The following CAMKMT variants were observed in gnomAD, a reference collection of about 807,000 sequenced individuals.
CAMKMT encodes calmodulin-lysine N-methyltransferase.
A neutral mutation model predicts 48.0 loss-of-function variants in CAMKMT; 53 were observed. The ratio of observed to expected loss-of-function variants is 1.10; its 90% CI spans 0.89 to 1.39. The LOEUF (loss-of-function observed/expected upper bound fraction) is 1.39, where lower values mean the gene tolerates loss of function less well. CAMKMT is among the 40% of genes most tolerant of loss of function. The probability of loss-of-function intolerance (pLI) is 0.00; values close to 1 mark genes in which losing one functional copy is unlikely to be tolerated. For missense variants in CAMKMT, 428 were observed against 402.7 expected (o/e 1.06, Z -0.54); for synonymous variants, 165 against 152.3 (o/e 1.08, Z -0.61).
chr2:44,475,762 A>G lies in CAMKMT; in HGVS notation c.376+85457A>G, dbSNP rs963166137. On this transcript the variant is annotated intron_variant, in intron 3 of 10. Transcript: ENST00000378494. The stretch of plus-strand genomic sequence containing the variant: ...AAATTTTATTTAAAAAAGAAATCTT[A>G]TGCATGATCTCATTTCAGTGTTGAT... 2.1e-4 allele frequency among the ~76,000 whole-genome samples: 32 copies of G among 152,222 alleles called. 1 individual carries two copies. The highest frequency in any genetic ancestry group is 7.3e-5 in the Non-Finnish European group (5 of 68,034).
At chr2:44,686,466 C>G (rs563255427) in intron 3 of CAMKMT, among the ~76,000 whole-genome samples, 7 of 151,596 alleles carry the variant, frequency 4.6e-5, no homozygotes, top group African/African-American at 1.7e-4. Flanking sequence ...AGTAATGAAC[C>G]AATGTCAGTT....
At chr2:44,765,380 A>G (rs1025157307) in intron 9 of CAMKMT, among the ~76,000 whole-genome samples, 1 of 152,208 alleles carries the variant, frequency 6.6e-6, no homozygotes, top group African/African-American at 2.4e-5. Flanking sequence ...GGTGCTCAAG[A>G]AATGGCTGGC....
chr2:44,595,911 A>C (rs570873231), intron 3 of CAMKMT, among the ~76,000 whole-genome samples: 2 of 150,746 alleles, frequency 1.3e-5, no homozygotes, highest in Non-Finnish European at 2.9e-5. Flanking sequence ...GCATGTTCTC[A>C]CTCGTAAGTG....
At chr2:44,530,150 T>C (rs1218105622) in intron 3 of CAMKMT, among the ~76,000 whole-genome samples, 2 of 152,184 alleles carry the variant, frequency 1.3e-5, no homozygotes, top group Non-Finnish European at 1.5e-5. Flanking sequence ...AAGAGTCAGC[T>C]TAATGTGATT....
chr2:44,585,872 G>C (rs2103791585), intron 3 of CAMKMT, among the ~76,000 whole-genome samples: 2 of 152,278 alleles, frequency 1.3e-5, no homozygotes, highest in South Asian at 4.1e-4. Flanking sequence ...CATAATTTTA[G>C]AGTGTGTAAA....
At chr2:44,613,429 G>A (rs982737615) in intron 3 of CAMKMT, among the ~76,000 whole-genome samples, 3 of 152,274 alleles carry the variant, frequency 2.0e-5, no homozygotes, top group Middle Eastern at 3.4e-3. Flanking sequence ...AGGACTTCAG[G>A]ACCCTCATCT....
At chr2:44,371,328 AGGCT>A (rs1679162287) in intron 1 of CAMKMT, among the ~76,000 whole-genome samples, 1 of 152,122 alleles carries the variant, frequency 6.6e-6, no homozygotes. Context: ...CATGTTGCTC[AGGCT>A]GGTCTGGAAT....
intron 3 of CAMKMT, among the ~76,000 whole-genome samples, chr2:44,674,684 A>G (rs1289793479): frequency 2.0e-5 from 3 of 152,222 alleles, no homozygotes; most frequent in Non-Finnish European, 2.9e-5. Context: ...TGCAGGCCAC[A>G]TACAAAGTTA....
chr2:44,756,463 C>T (rs577289082), intron 9 of CAMKMT, among the ~76,000 whole-genome samples: 210 of 152,078 alleles, frequency 1.4e-3, no homozygotes, highest in African/African-American at 3.3e-3. Context: ...CAAAGATGGC[C>T]GGGCACAGTG....
At chr2:44,741,471 G>A (rs545506940) in intron 7 of CAMKMT, among the ~76,000 whole-genome samples, 1 of 152,334 alleles carries the variant, frequency 6.6e-6, no homozygotes, top group South Asian at 2.1e-4. Context: ...GATAGCTAGT[G>A]TTATCCCCAT....
chr2:44,699,187 A>G (rs1405999203), intron 3 of CAMKMT, among the ~76,000 whole-genome samples: 1 of 152,242 alleles, frequency 6.6e-6, no homozygotes, highest in Non-Finnish European at 1.5e-5. Flanking sequence ...AATGGCATCT[A>G]GAATAGTGAG....
At chr2:44,667,194 C>A (rs1439001877) in intron 3 of CAMKMT, among the ~76,000 whole-genome samples, 1 of 152,160 alleles carries the variant, frequency 6.6e-6, no homozygotes, top group African/African-American at 2.4e-5. Flanking sequence ...CCAACAGTTC[C>A]CTGAGGGCCT....
intron 3 of CAMKMT, among the ~76,000 whole-genome samples, chr2:44,540,505 CT>C (rs1667036725): frequency 6.6e-6 from 1 of 152,148 alleles, no homozygotes; most frequent in South Asian, 2.1e-4. Context: ...AATCCCAGCA[CT>C]TTGGGAGGCC....
intron 7 of CAMKMT, among the ~76,000 whole-genome samples, chr2:44,735,806 G>A (rs1056190263): frequency 9.2e-5 from 14 of 151,818 alleles, no homozygotes; most frequent in Non-Finnish European, 1.6e-4. Context: ...CCAGCTACTC[G>A]GGAGGCTGAG....
intron 3 of CAMKMT, among the ~76,000 whole-genome samples, chr2:44,703,792 AAAGAC>A (rs1276139536): frequency 6.6e-6 from 1 of 151,752 alleles, no homozygotes; most frequent in Non-Finnish European, 1.5e-5. Flanking sequence ...AAAAAAAAAA[AAAGAC>A]AGAATTGTGC....
chr2:44,621,287 C>G (rs1026439782), intron 3 of CAMKMT, among the ~76,000 whole-genome samples: 96 of 100,326 alleles, frequency 9.6e-4, no homozygotes, highest in African/African-American at 3.4e-3. Context: ...AAAAAAAAAG[C>G]ATAAGAAAGC....
chr2:44,432,787 C>G (rs1684727590), intron 3 of CAMKMT, among the ~76,000 whole-genome samples: 1 of 150,636 alleles, frequency 6.6e-6, no homozygotes, highest in Non-Finnish European at 1.5e-5. Flanking sequence ...CTTCTGGTTG[C>G]TAATAGAGAC....
At chr2:44,400,047 C>T (rs373134443) in intron 3 of CAMKMT, among the ~76,000 whole-genome samples, 17 of 152,250 alleles carry the variant, frequency 1.1e-4, no homozygotes, top group African/African-American at 4.1e-4. Flanking sequence ...CAAAGCCTGA[C>T]CCAAGTGGTA....
intron 3 of CAMKMT, among the ~76,000 whole-genome samples, chr2:44,574,322 T>C (rs1345927939): frequency 1.3e-5 from 2 of 152,108 alleles, no homozygotes; most frequent in Non-Finnish European, 2.9e-5. Flanking sequence ...TGAATAAGTT[T>C]AGGATTGGAG....
Sources: gnomAD v4.1 joint callset for allele counts (sites outside exome capture counted in the v4.1 genomes callset) on GRCh38, gnomAD v4.1.1 for gene constraint, MANE v1.5 for transcripts, NCBI Gene and HGNC (gene_info 2026-07-23, HGNC 2026-07-21) for gene names.